Variants in DNAAF4 observed in about 807,000 individuals in gnomAD.
DNAAF4 encodes the protein dynein assembly factor 4, axonemal.
A neutral mutation model predicts 51.8 loss-of-function variants in DNAAF4; 43 were observed. The observed-to-expected ratio is 0.83, with a 90% CI of 0.65 to 1.07. The LOEUF is 1.07. Ranked by LOEUF, DNAAF4 falls within the 50% of genes least tolerant of loss-of-function variation. DNAAF4 has a pLI of 0.00. For synonymous variants in DNAAF4, 194 were observed against 165.6 expected (o/e 1.17, Z -1.32); for missense variants, 581 against 493.0 (o/e 1.18, Z -1.69).
At chr15:55,505,984 A>G (rs1192133326) in intron 1 of DNAAF4, among the ~76,000 whole-genome samples, 1 of 152,180 alleles carries the variant, frequency 6.6e-6, no homozygotes, top group Non-Finnish European at 1.5e-5. Flanking sequence ...GGGTGACACA[A>G]AGACCTTGTT....
intron 4 of DNAAF4, among the ~76,000 whole-genome samples, chr15:55,478,351 G>C (rs1232986536): frequency 6.6e-6 from 1 of 152,186 alleles, no homozygotes; most frequent in Non-Finnish European, 1.5e-5. Flanking sequence ...CCCTTGTTCA[G>C]AAGAGATTTT....
intron 5 of DNAAF4, among the ~76,000 whole-genome samples, chr15:55,457,377 C>A (rs1355547070): frequency 1.3e-5 from 2 of 152,098 alleles, no homozygotes; most frequent in Non-Finnish European, 2.9e-5. Context: ...ATCCCCTCCA[C>A]CCCCACTGTG....
rs61753409 is a variant in DNAAF4, at chr15:55,498,342, G to C, written c.-13C>G. ...CCTGAAGAGGCATTCCGGTAGCAAC[G>C]GGAGCGGATAGCGCGGCTGGTTGCT... is the stretch of plus-strand genomic sequence containing the variant. On this transcript the variant is annotated 5_prime_UTR_variant, in exon 2 of 10. Transcript: ENST00000321149. The C allele has an allele frequency of 7.6e-5, 121 of 1,596,754 alleles. No homozygotes were observed. The highest frequency in any genetic ancestry group is 8.9e-5 in the Non-Finnish European group (104 of 1,169,250).
intron 4 of DNAAF4, among the ~76,000 whole-genome samples, chr15:55,487,724 T>C (rs1229023173): frequency 6.6e-6 from 1 of 152,054 alleles, no homozygotes; most frequent in Non-Finnish European, 1.5e-5. Flanking sequence ...TGCGGCTTCA[T>C]TCTTGAAGTC....
chr15:55,498,461 T>G lies in DNAAF4; in HGVS notation c.-132A>C. The G allele has an allele frequency of 7.2e-7, 1 of 1,396,086 alleles. No individual in the cohort carries two copies. The highest frequency in any genetic ancestry group is 9.5e-7 in the Non-Finnish European group (1 of 1,056,256). The allele number at this position is 1,396,086 out of a possible 1,614,324, so 86.5% of individuals were successfully genotyped here. The stretch of plus-strand genomic sequence containing the variant: ...CGGGAGCCCGGCGTTCCCAGCGTGC[T>G]CCGGCGCCAGCACCTCGCGGACTCC... On this transcript the variant is annotated 5_prime_UTR_variant, in exon 2 of 10. Coordinates refer to ENST00000321149, the MANE Select transcript of DNAAF4 (RefSeq NM_130810.4).
intron 4 of DNAAF4, among the ~76,000 whole-genome samples, chr15:55,486,151 A>AC (rs2058485255): frequency 6.7e-6 from 1 of 148,974 alleles, no homozygotes; most frequent in Non-Finnish European, 1.5e-5. Context: ...TCTGTTGATG[A>AC]CCCTGCCTCG....
intron 5 of DNAAF4, among the ~76,000 whole-genome samples, chr15:55,451,793 T>C (rs2057936917): frequency 6.6e-6 from 1 of 152,124 alleles, no homozygotes; most frequent in African/African-American, 2.4e-5. Context: ...TTTGTTTGTA[T>C]GCTTTTTTGT....
chr15:55,436,053 G>T (rs989301589), intron 7 of DNAAF4, among the ~76,000 whole-genome samples: 1 of 152,210 alleles, frequency 6.6e-6, no homozygotes, highest in Non-Finnish European at 1.5e-5. Flanking sequence ...CTCCCAAAGC[G>T]CTGGGATTAC....
At chr15:55,488,530 A>G (rs1055254485) in intron 4 of DNAAF4, among the ~76,000 whole-genome samples, 3 of 152,202 alleles carry the variant, frequency 2.0e-5, no homozygotes, top group Non-Finnish European at 4.4e-5. Context: ...ACGGGTACAT[A>G]GTACTAGAGT....
At position 55,498,272 on chromosome 15, in the gene DNAAF4, A is replaced by T; in HGVS notation, c.58T>A (p.Ser20Thr). The stretch of plus-strand genomic sequence containing the variant: ...ACGCACACGCCTTTGAGGGGCAGAG[A>T]CAGAAAGACCGCAGTCTTCGTCTGC... The part of the protein sequence containing the change: ...WQQTKTAVFL[S>T]LPLKGVCVRD... The change falls in exon 2 of 10, where the codon TCT becomes ACT. Residue 20 changes from serine (S) to threonine (T), a missense_variant. Ser to Thr is a moderately conservative substitution (Grantham distance 58). Transcript: ENST00000321149. The T allele has an allele frequency of 6.2e-7, 1 of 1,613,712 alleles. No individual in the cohort carries two copies. The highest frequency in any genetic ancestry group is 8.5e-7 in the Non-Finnish European group (1 of 1,179,842).
At position 55,433,443 on chromosome 15, in the gene DNAAF4, G is replaced by A. The variant is rs185596279; in HGVS notation, c.1048-841C>T. Reference sequence around the variant, plus strand: ...AGATCGAGACCATCCTGGCTAACACGGTGAAACCCCGTCTCTACTAAAAAT... The same window carrying A: ...AGATCGAGACCATCCTGGCTAACACAGTGAAACCCCGTCTCTACTAAAAAT... On this transcript the variant is annotated intron_variant, in intron 8 of 9. Coordinates refer to ENST00000321149, the MANE Select transcript of DNAAF4 (RefSeq NM_130810.4). 8.0e-3 allele frequency among the ~76,000 whole-genome samples: 1,220 copies of A among 152,004 alleles called. 17 individuals carry two copies. Among genetic ancestry groups the A allele is most frequent in the African/African-American group, 0.028 (1,164 of 41,470 alleles).
At chr15:55,486,834 C>T (rs2058496593) in intron 4 of DNAAF4, among the ~76,000 whole-genome samples, 1 of 151,962 alleles carries the variant, frequency 6.6e-6, no homozygotes, top group Non-Finnish European at 1.5e-5. Context: ...CCCCATATCA[C>T]CAGAAAACTG....
At chr15:55,453,547 T>TC (rs1186595933) in intron 5 of DNAAF4, among the ~76,000 whole-genome samples, 17 of 142,172 alleles carry the variant, frequency 1.2e-4, no homozygotes, top group Non-Finnish European at 2.4e-4. Flanking sequence ...AAAAAACAGT[T>TC]CTTTTTTTTT....
chr15:55,437,696 AAGG>A (rs2057637370), intron 7 of DNAAF4, among the ~76,000 whole-genome samples: 1 of 152,178 alleles, frequency 6.6e-6, no homozygotes, highest in African/African-American at 2.4e-5. Flanking sequence ...AGAGTCAGAA[AAGG>A]AGATCACGGA....
At chr15:55,503,417 TC>T (rs1345946402) in intron 1 of DNAAF4, among the ~76,000 whole-genome samples, 1 of 152,144 alleles carries the variant, frequency 6.6e-6, no homozygotes, top group Non-Finnish European at 1.5e-5. Context: ...CCTCCCCAAC[TC>T]ATTTTATGAG....
At chr15:55,455,387 A>AATATATATATAT (rs10688653) in intron 5 of DNAAF4, among the ~76,000 whole-genome samples, 4,376 of 126,900 alleles carry the variant, frequency 0.034, 93 homozygotes, top group South Asian at 0.058. Flanking sequence ...TAGCAAATTG[A>AATATATATATAT]ATATATATAT....
intron 4 of DNAAF4, among the ~76,000 whole-genome samples, chr15:55,471,397 C>T (rs1595929599): frequency 6.6e-6 from 1 of 152,252 alleles, no homozygotes; most frequent in Non-Finnish European, 1.5e-5. Context: ...AAAGATGAAC[C>T]TAGCACCCCA....
At position 55,434,995 on chromosome 15, in the gene DNAAF4, T is replaced by C; in HGVS notation, c.957A>G (p.Leu319=). ...AINAYNLAIR[L]NNKMPLLYLN... ...AATACAATAGTGGCATCTTATTATT[T>C]AGTCTTATGGCTAAATTATATGCAT... The change falls in exon 8 of 10, where the codon CTA becomes CTG. Residue 319 remains leucine (L), a synonymous_variant. Coordinates refer to ENST00000321149, the MANE Select transcript of DNAAF4 (RefSeq NM_130810.4). The C allele has an allele frequency of 6.2e-7, 1 of 1,613,106 alleles. No homozygotes were observed. The highest frequency in any genetic ancestry group is 8.5e-7 in the Non-Finnish European group (1 of 1,179,802).
At chr15:55,484,850 A>G (rs1441569713) in intron 4 of DNAAF4, among the ~76,000 whole-genome samples, 5 of 152,192 alleles carry the variant, frequency 3.3e-5, no homozygotes, top group East Asian at 1.9e-4. Context: ...TCGTCTTTTC[A>G]TATTTTTCTG....
Sources: gnomAD v4.1 joint callset for allele counts (sites outside exome capture counted in the v4.1 genomes callset) on GRCh38, gnomAD v4.1.1 for gene constraint, MANE v1.5 for transcripts, NCBI Gene and HGNC (gene_info 2026-07-23, HGNC 2026-07-21) for gene names.